SLC6A11: variants seen among roughly 807,000 people sequenced by gnomAD.
The protein encoded by SLC6A11 is sodium- and chloride-dependent GABA transporter 3.
Under a neutral mutation model 74.8 loss-of-function variants are expected in SLC6A11, and 25 were observed. The observed-to-expected ratio is 0.33, with a 90% CI of 0.24 to 0.47. SLC6A11 has a LOEUF of 0.47. SLC6A11 is among the 20% of genes least tolerant of loss of function. The pLI, the probability that SLC6A11 is intolerant of heterozygous loss-of-function variation, is 1.00. For missense variants in SLC6A11, 574 were observed against 837.0 expected (o/e 0.69, Z 3.88); for synonymous variants, 330 against 330.2 (o/e 1.00, Z 0.01).
At chr3:10,837,752 G>T (rs182695904) in intron 4 of SLC6A11, among the ~76,000 whole-genome samples, 28 of 152,288 alleles carry the variant, frequency 1.8e-4, no homozygotes, top group Non-Finnish European at 3.5e-4. Context: ...TGATGTAGAG[G>T]CCTGAAATTC....
At chr3:10,826,950 A>G (rs933668200) in intron 4 of SLC6A11, among the ~76,000 whole-genome samples, 12 of 152,240 alleles carry the variant, frequency 7.9e-5, no homozygotes, top group African/African-American at 2.7e-4. Flanking sequence ...AAATGAACCC[A>G]TGGTTCTAGT....
At chr3:10,858,066 A>G (rs1194797016) in intron 5 of SLC6A11, among the ~76,000 whole-genome samples, 4 of 152,204 alleles carry the variant, frequency 2.6e-5, no homozygotes, top group African/African-American at 7.2e-5. Flanking sequence ...AACTAGCCAC[A>G]TATGTTATTA....
At position 10,918,226 on chromosome 3, in the gene SLC6A11, T is replaced by G. The variant is rs1050605817; in HGVS notation, c.996-103T>G. On this transcript the variant is annotated intron_variant, in intron 7 of 13. Coordinates refer to ENST00000254488, the MANE Select transcript of SLC6A11 (RefSeq NM_014229.3). This position sits in a 1 kb window ranked among gnomAD's most constrained non-coding sequence, Gnocchi z 4.5. ...AGAGCTCCCTGTGCCTGCACTTCCC[T>G]GCCTGCCTCACAGGACAGCCATGGT... The G allele has an allele frequency of 7.4e-7, 1 of 1,345,414 alleles. No individual in the cohort carries two copies. Among genetic ancestry groups the G allele is most frequent in the Admixed American group, 2.9e-5 (1 of 34,706 alleles). The allele number at this position is 1,345,414 out of a possible 1,614,324, so 83.3% of individuals were successfully genotyped here.
chr3:10,891,066 T>C (rs1331036137), intron 6 of SLC6A11, among the ~76,000 whole-genome samples: 1 of 152,200 alleles, frequency 6.6e-6, no homozygotes, highest in Non-Finnish European at 1.5e-5. Context: ...CTTTTGGTCA[T>C]ACCCACAGCA....
chr3:10,938,618 C>G lies in SLC6A11; in HGVS notation c.*216C>G. The G allele has an allele frequency of 2.3e-6, 1 of 439,592 alleles. No individual in the cohort carries two copies. Among genetic ancestry groups the G allele is most frequent in the Non-Finnish European group, 4.1e-6 (1 of 246,576 alleles). 27.2% of individuals were successfully genotyped at this position (439,592 alleles called of 1,614,324 possible). On this transcript the variant is annotated 3_prime_UTR_variant, in exon 14 of 14. Transcript: ENST00000254488. ...GGAAGTAACCACTACAAAGAGATAA[C>G]ACTGTACGGGGACTGCCAGATCTTC...
chr3:10,870,221 A>G (rs1694813292), intron 5 of SLC6A11, among the ~76,000 whole-genome samples: 1 of 152,056 alleles, frequency 6.6e-6, no homozygotes, highest in African/African-American at 2.4e-5. Context: ...TGTGACCCTC[A>G]TTGTGTGGTG....
intron 4 of SLC6A11, chr3:10,824,254 A>G (rs150879108): frequency 5.3e-5 from 8 of 152,316 alleles, no homozygotes; most frequent in African/African-American, 1.9e-4. Flanking sequence ...TGCCCCAGGT[A>G]TTGGAAAGAA....
intron 6 of SLC6A11, among the ~76,000 whole-genome samples, chr3:10,909,412 G>C (rs991926178): frequency 1.3e-5 from 2 of 152,188 alleles, no homozygotes; most frequent in African/African-American, 2.4e-5. Context: ...TTGGTTTGGG[G>C]GACGTATCTG....
chr3:10,833,279 C>T (rs868825142), intron 4 of SLC6A11, among the ~76,000 whole-genome samples: 13 of 152,310 alleles, frequency 8.5e-5, no homozygotes, highest in Non-Finnish European at 1.8e-4. Flanking sequence ...CCAGGCTGGT[C>T]TCAAACTCCT....
At chr3:10,831,436 G>A (rs1358816259) in intron 4 of SLC6A11, among the ~76,000 whole-genome samples, 2 of 152,130 alleles carry the variant, frequency 1.3e-5, no homozygotes, top group Non-Finnish European at 2.9e-5. Context: ...GAATGAGGCA[G>A]AAAATGTGTT....
intron 6 of SLC6A11, among the ~76,000 whole-genome samples, chr3:10,882,204 C>T (rs936043520): frequency 2.0e-5 from 3 of 152,204 alleles, no homozygotes; most frequent in African/African-American, 7.2e-5. Context: ...ATTTCTACTC[C>T]TTCTTTGGAG....
chr3:10,925,053 G>A (rs1695585132), intron 8 of SLC6A11, among the ~76,000 whole-genome samples: 1 of 152,186 alleles, frequency 6.6e-6, no homozygotes, highest in Admixed American at 6.5e-5. Flanking sequence ...TGAAGAGGAG[G>A]AACGGAGGCG....
intron 6 of SLC6A11, among the ~76,000 whole-genome samples, chr3:10,899,502 T>A (rs1451573036): frequency 6.6e-6 from 1 of 152,252 alleles, no homozygotes; most frequent in Non-Finnish European, 1.5e-5. Context: ...GATATAGTGA[T>A]GAATGAAACA....
chr3:10,821,700 T>C (rs1244390652), intron 3 of SLC6A11, among the ~76,000 whole-genome samples: 1 of 152,244 alleles, frequency 6.6e-6, no homozygotes, highest in Non-Finnish European at 1.5e-5. Flanking sequence ...TTGACGTTTA[T>C]AATTGTATGA....
intron 4 of SLC6A11, among the ~76,000 whole-genome samples, chr3:10,840,468 T>C (rs188600413): frequency 1.3e-5 from 2 of 152,358 alleles, no homozygotes; most frequent in African/African-American, 4.8e-5. Flanking sequence ...TCCTTATCTG[T>C]CTTCTCCACT....
intron 7 of SLC6A11, among the ~76,000 whole-genome samples, chr3:10,916,318 C>T (rs184134648): frequency 1.3e-5 from 2 of 152,302 alleles, no homozygotes; most frequent in African/African-American, 4.8e-5. Flanking sequence ...TTTGAAGGGA[C>T]CTGTATCAGT....
chr3:10,897,671 C>T (rs1695186973), intron 6 of SLC6A11, among the ~76,000 whole-genome samples: 1 of 152,216 alleles, frequency 6.6e-6, no homozygotes, highest in African/African-American at 2.4e-5. Context: ...CTCCTGGCTG[C>T]TTTCATGGGC....
chr3:10,840,041 C>T (rs562916817), intron 4 of SLC6A11, among the ~76,000 whole-genome samples: 45 of 152,296 alleles, frequency 3.0e-4, no homozygotes, highest in African/African-American at 1.0e-3. Context: ...CCGTTCATTC[C>T]TCCCATGGCA....
intron 5 of SLC6A11, among the ~76,000 whole-genome samples, chr3:10,864,735 C>G (rs996146634): frequency 3.9e-5 from 6 of 152,198 alleles, no homozygotes; most frequent in African/African-American, 1.4e-4. Context: ...ACAGTTAGGA[C>G]TTCAGAGAGG....
Sources: gnomAD v4.1 joint callset for allele counts (sites outside exome capture counted in the v4.1 genomes callset) on GRCh38, gnomAD v4.1.1 for gene constraint, Gnocchi (gnomAD v3.1) non-coding constraint, MANE v1.5 for transcripts, NCBI Gene and HGNC (gene_info 2026-07-23, HGNC 2026-07-21) for gene names.